The following NR6A1 variants were observed in gnomAD, a reference collection of about 807,000 sequenced individuals.
NR6A1 encodes the protein retinoic acid receptor-related testis-associated receptor.
Under a neutral mutation model 59.1 loss-of-function variants are expected in NR6A1, and 7 were observed. That is an observed-to-expected ratio of 0.12 (90% confidence interval 0.07 to 0.22). The LOEUF is 0.22. Among genes scored for constraint, NR6A1 ranks in the 10% least tolerant of loss-of-function variants. The pLI is 1.00. For missense variants in NR6A1, 468 were observed against 611.6 expected (o/e 0.77, Z 2.48); for synonymous variants, 243 against 236.1 (o/e 1.03, Z -0.27).
At chr9:124,645,216 C>T (rs936854051) in intron 2 of NR6A1, among the ~76,000 whole-genome samples, 8 of 151,978 alleles carry the variant, frequency 5.3e-5, no homozygotes, top group Non-Finnish European at 1.0e-4. Flanking sequence ...AAACACAAAA[C>T]ACAGGAAATG....
intron 2 of NR6A1, among the ~76,000 whole-genome samples, chr9:124,640,526 AG>A (rs1836740445): frequency 6.6e-6 from 1 of 152,070 alleles, no homozygotes; most frequent in Non-Finnish European, 1.5e-5. Context: ...CAGCCTCCCA[AG>A]TGGCTAGGGC....
At chr9:124,647,643 C>G (rs1247600318) in intron 2 of NR6A1, among the ~76,000 whole-genome samples, 2 of 148,718 alleles carry the variant, frequency 1.3e-5, no homozygotes, top group African/African-American at 2.5e-5. Flanking sequence ...AGGGGAATCA[C>G]TTGAACCTGG....
intron 1 of NR6A1, 95 bp from the exon 2 acceptor site, chr9:124,733,444 T>C (rs1323715552): frequency 6.5e-6 from 6 of 929,894 alleles, no homozygotes; most frequent in Admixed American, 5.3e-5. Flanking sequence ...GGGAAATCTA[T>C]ACTCAGAAGT....
intron 2 of NR6A1, among the ~76,000 whole-genome samples, chr9:124,630,464 T>C (rs1836398902): frequency 6.6e-6 from 1 of 151,332 alleles, no homozygotes; most frequent in Non-Finnish European, 1.5e-5. Context: ...CTCCAACTCC[T>C]GACCTCAGGT....
At chr9:124,539,948 G>A in intron 5 of NR6A1, 85 bp downstream of exon 5, 1 of 1,444,094 alleles carries the variant, frequency 6.9e-7, no homozygotes, top group Non-Finnish European at 9.2e-7. Context: ...CAGCCTGGCA[G>A]GGATACTCAG....
At chr9:124,693,710 C>T (rs1403585456) in intron 2 of NR6A1, 1 of 534,506 alleles carries the variant, frequency 1.9e-6, no homozygotes, top group Admixed American at 1.9e-5. Context: ...ACTGAAAACA[C>T]TGATGGCTGC....
intron 2 of NR6A1, among the ~76,000 whole-genome samples, chr9:124,720,310 C>T (rs1216465316): frequency 6.6e-6 from 1 of 152,170 alleles, no homozygotes; most frequent in African/African-American, 2.4e-5. Context: ...CTCAGCCTCC[C>T]AAAGTGCTAG....
intron 2 of NR6A1, among the ~76,000 whole-genome samples, chr9:124,674,484 A>G (rs1000364118): frequency 7.2e-5 from 11 of 152,208 alleles, no homozygotes; most frequent in African/African-American, 2.4e-4. Flanking sequence ...GGGAAAAATA[A>G]TAAGTATCTA....
intron 2 of NR6A1, among the ~76,000 whole-genome samples, chr9:124,624,806 C>A (rs547397207): frequency 5.9e-5 from 9 of 152,280 alleles, no homozygotes; most frequent in African/African-American, 2.2e-4. Flanking sequence ...TGCATTAGTG[C>A]CCTTCCTCCT....
chr9:124,699,916 G>GT (rs778930371), intron 2 of NR6A1, among the ~76,000 whole-genome samples: 1 of 152,136 alleles, frequency 6.6e-6, no homozygotes, highest in Non-Finnish European at 1.5e-5. Flanking sequence ...GAGTGCAGTG[G>GT]TATGATCTCA....
At chr9:124,619,534 G>A (rs964595957) in intron 2 of NR6A1, among the ~76,000 whole-genome samples, 1 of 152,050 alleles carries the variant, frequency 6.6e-6, no homozygotes, top group Non-Finnish European at 1.5e-5. Context: ...AAGCGCTGGG[G>A]TTACAGGCAT....
intron 2 of NR6A1, among the ~76,000 whole-genome samples, chr9:124,696,951 C>T (rs1464654761): frequency 6.6e-6 from 1 of 152,202 alleles, no homozygotes; most frequent in African/African-American, 2.4e-5. Context: ...AGCCACCGCA[C>T]CCGGCCTGAA....
chr9:124,623,722 G>A (rs1401523736), intron 2 of NR6A1, among the ~76,000 whole-genome samples: 1 of 152,086 alleles, frequency 6.6e-6, no homozygotes, highest in Non-Finnish European at 1.5e-5. Context: ...TGAATATTTA[G>A]TGAGGGAAGC....
At chr9:124,714,952 C>T (rs1839371635) in intron 2 of NR6A1, among the ~76,000 whole-genome samples, 1 of 152,104 alleles carries the variant, frequency 6.6e-6, no homozygotes, top group Non-Finnish European at 1.5e-5. Flanking sequence ...GTAATCCCAG[C>T]ACTTTCGGAG....
intron 1 of NR6A1, among the ~76,000 whole-genome samples, chr9:124,757,129 C>G (rs1420112275): frequency 6.6e-6 from 1 of 151,928 alleles, no homozygotes; most frequent in Non-Finnish European, 1.5e-5. Context: ...TGCTGGCAGC[C>G]CTGGATGTTG....
In NR6A1 at chr9:124,522,864, G is replaced by A. The variant is rs1031331985; in HGVS notation, c.1355-71C>T. 2.7e-5 allele frequency: 33 copies of A among 1,217,908 alleles called. No homozygotes were observed. In the African/African-American group the frequency reaches 4.7e-4, roughly 17 times the overall value. 75.4% of individuals were successfully genotyped at this position (1,217,908 alleles called of 1,614,324 possible). A position where few individuals can be genotyped will look rare whatever the true frequency, so the allele number is the denominator to read the frequency against. On this transcript the variant is annotated intron_variant, in intron 9 of 9. Transcript: ENST00000487099. The stretch of plus-strand genomic sequence containing the variant: ...TGGACAGGCAAGTCAGCCTCCTTGG[G>A]CTGGTGGAGGCAGAGTATCACCTTG...
chr9:124,581,816 GA>G (rs1191256293), intron 2 of NR6A1, among the ~76,000 whole-genome samples: 1 of 151,966 alleles, frequency 6.6e-6, no homozygotes, highest in African/African-American at 2.4e-5. Flanking sequence ...CGACAAACAT[GA>G]AAAAAAGCTC....
chr9:124,692,330 T>G (rs767455755), intron 2 of NR6A1: 6 of 322,012 alleles, frequency 1.9e-5, no homozygotes, highest in Admixed American at 1.5e-4. Flanking sequence ...TGCACACAAA[T>G]TGATTTTATA....
intron 2 of NR6A1, among the ~76,000 whole-genome samples, chr9:124,668,076 G>T (rs1837679504): frequency 6.6e-6 from 1 of 152,018 alleles, no homozygotes; most frequent in Non-Finnish European, 1.5e-5. Context: ...TTTACTAATA[G>T]CCTACTGTTG....
Sources: allele counts gnomAD v4.1 joint callset (sites outside exome capture counted in the v4.1 genomes callset), GRCh38; gene constraint gnomAD v4.1.1; transcripts MANE v1.5; gene names NCBI Gene and HGNC (gene_info 2026-07-23, HGNC 2026-07-21).